TKT: variants seen among roughly 807,000 people sequenced by gnomAD.
TKT encodes the protein epididymis luminal protein 107.
A neutral mutation model predicts 63.9 loss-of-function variants in TKT; 47 were observed. That is an observed-to-expected ratio of 0.74 (90% CI 0.58 to 0.94). The LOEUF (loss-of-function observed/expected upper bound fraction) is 0.94. Ranked by LOEUF, TKT falls within the 40% of genes least tolerant of loss-of-function variation. The pLI is 0.00. For synonymous variants in TKT, 338 were observed against 334.1 expected (o/e 1.01, Z -0.13); for missense variants, 721 against 846.2 (o/e 0.85, Z 1.84).
chr3:53,234,246 A>C (rs1177102154), intron 5 of TKT: 3 of 152,258 alleles, frequency 2.0e-5, no homozygotes. Flanking sequence ...GGTAACCCCA[A>C]GCATCCTGTT....
At chr3:53,239,115 C>T (rs922210408) in intron 4 of TKT, among the ~76,000 whole-genome samples, 17 of 152,122 alleles carry the variant, frequency 1.1e-4, no homozygotes, top group African/African-American at 4.1e-4. Flanking sequence ...TTTCCCTGCA[C>T]AAACTCTCTC....
chr3:53,238,592 C>A (rs1285243546), intron 4 of TKT, among the ~76,000 whole-genome samples: 2 of 152,236 alleles, frequency 1.3e-5, no homozygotes, highest in Non-Finnish European at 2.9e-5. Context: ...GAGGACAGGG[C>A]AGTGGAGATG....
At chr3:53,246,061 A>T (rs1378667045) in intron 1 of TKT, among the ~76,000 whole-genome samples, 2 of 152,010 alleles carry the variant, frequency 1.3e-5, no homozygotes, top group African/African-American at 4.8e-5. Flanking sequence ...TGAGGTCAGG[A>T]GTTCGAGACC....
At chr3:53,237,052 T>C (rs1234718019) in intron 4 of TKT, among the ~76,000 whole-genome samples, 2 of 152,234 alleles carry the variant, frequency 1.3e-5, no homozygotes, top group South Asian at 2.1e-4. Context: ...AGATGGATTA[T>C]AGCATCTCCA....
rs1382262556 is a variant in TKT at position 53,241,128 on chromosome 3, T to G, written c.339+4A>C. On this transcript the variant is annotated splice_donor_region_variant and intron_variant, in intron 3 of 13. Coordinates refer to ENST00000462138, the MANE Select transcript of TKT (RefSeq NM_001064.4). ...GCATGGGAGGCTCTGGCAGGAGCACTTACCGGGACCGGGTGCCCGTCCAAG... is the reference window on the plus strand; with the variant it reads ...GCATGGGAGGCTCTGGCAGGAGCACGTACCGGGACCGGGTGCCCGTCCAAG... 6.5e-7 allele frequency: 1 copy of G among 1,550,212 alleles called. No individual in the cohort carries two copies. Among genetic ancestry groups the G allele is most frequent in the Admixed American group, 2.2e-5 (1 of 45,354 alleles).
intron 12 of TKT, 25 bp from the exon 13 acceptor site, chr3:53,226,903 G>A (rs1272776036): frequency 6.3e-6 from 10 of 1,578,920 alleles, no homozygotes; most frequent in Non-Finnish European, 8.6e-6. Flanking sequence ...ACACGGCGTG[G>A]CTGAGGGGAG....
chr3:53,242,127 T>G lies in TKT; in HGVS notation c.223A>C (p.Lys75Gln). Residue 75 changes from lysine (K) to glutamine (Q), a missense_variant and splice_region_variant, in exon 2 of 14, where the codon AAG (lysine) becomes CAG (glutamine). Transcript: ENST00000462138. The part of the protein sequence containing the change: ...NPHNDRFVLS[K>Q]GHAAPILYAV... ...GCAGTGGGCAGCTGGGCTCTTACCT[T>G]GGAGAGCACAAAGCGGTCATTGTGC... 6.2e-7 allele frequency: 1 copy of G among 1,613,874 alleles called. No homozygotes were observed. Among genetic ancestry groups the G allele is most frequent in the Middle Eastern group, 1.7e-4 (1 of 6,058 alleles).
rs1704640226 is a variant in TKT at position 53,229,330 on chromosome 3, A to G, written c.1214T>C (p.Ile405Thr). The G allele has an allele frequency of 1.9e-6, 3 of 1,613,998 alleles. No homozygotes were observed. Among genetic ancestry groups the G allele is most frequent in the Non-Finnish European group, 2.5e-6 (3 of 1,179,974 alleles). Reference sequence around the variant, plus strand: ...GCAGAGGTTGATGTTGCTCTCGGAGATGGCGGCCATGCGAATCTGGTCAAA... The same window carrying G: ...GCAGAGGTTGATGTTGCTCTCGGAGGTGGCGGCCATGCGAATCTGGTCAAA... ...RAFDQIRMAA[I>T]SESNINLCGS... The change falls in exon 9 of 14, where the codon ATC (isoleucine) becomes ACC (threonine). Residue 405 changes from isoleucine (I) to threonine (T), a missense_variant. Physicochemically the swap from Ile to Thr is moderately conservative, Grantham distance 89. Coordinates refer to ENST00000462138, the MANE Select transcript of TKT (RefSeq NM_001064.4).
intron 10 of TKT, chr3:53,228,665 G>A (rs1296944473): frequency 4.0e-6 from 2 of 504,684 alleles, no homozygotes; most frequent in Non-Finnish European, 7.2e-6. Context: ...CTGGGTCTGT[G>A]GCATGCAGCT....
At chr3:53,228,656 TG>T in intron 10 of TKT, 1 of 500,776 alleles carries the variant, frequency 2.0e-6, no homozygotes, top group South Asian at 2.1e-5. Flanking sequence ...CCACGCGCAC[TG>T]GGTCTGTGGC....
Position 53,255,906 on chromosome 3 carries a change from GC to G in TKT, c.36del (p.Gln13ArgfsTer3). ...ESYHKPDQQKLQALKDTANRL... is the reference protein window; with the variant it reads ...ESYHKPDQQKXQALKDTANRL... ...CGGTTGGCCGTGTCCTTCAAGGCCT[GC>G]AGCTTCTGCTGGTCAGGCTTGTGGT... On this transcript the variant is annotated frameshift_variant, in exon 1 of 14. Transcript: ENST00000462138. LOFTEE classifies it high-confidence loss of function. The G allele has an allele frequency of 6.5e-7, 1 of 1,547,320 alleles. No homozygotes were observed. Among genetic ancestry groups the G allele is most frequent in the East Asian group, 2.7e-5 (1 of 37,162 alleles).
intron 4 of TKT, among the ~76,000 whole-genome samples, chr3:53,236,981 C>T (rs893508090): frequency 2.0e-5 from 3 of 152,144 alleles, no homozygotes; most frequent in Non-Finnish European, 4.4e-5. Flanking sequence ...AACAGAAGGT[C>T]GACATTTGTT....
At chr3:53,240,419 C>T in intron 3 of TKT, 71 bp from the exon 4 acceptor site, 1 of 1,423,852 alleles carries the variant, frequency 7.0e-7, no homozygotes, top group Non-Finnish European at 9.7e-7. Flanking sequence ...TAGGGAGCCA[C>T]ACTCCCACCC....
intron 5 of TKT, 114 bp from the exon 6 acceptor site, chr3:53,233,388 A>C: frequency 1.5e-6 from 1 of 686,766 alleles, no homozygotes. Context: ...CCACCCCACA[A>C]CTGCGGCCTC....
intron 1 of TKT, among the ~76,000 whole-genome samples, chr3:53,244,163 T>G (rs1195963049): frequency 6.6e-6 from 1 of 152,212 alleles, no homozygotes; most frequent in South Asian, 2.1e-4. Context: ...CAGCCTTTCA[T>G]TCCTTCCAAA....
Position 53,231,411 on chromosome 3 carries a change from C to A in TKT, c.888G>T (p.Val296=). The A allele has an allele frequency of 6.2e-7, 1 of 1,614,050 alleles. No individual in the cohort carries two copies. The highest frequency in any genetic ancestry group is 1.7e-5 in the Admixed American group (1 of 60,004). The change falls in exon 7 of 14, where the codon GTG becomes GTT. Residue 296 remains valine (V), a synonymous_variant. Coordinates refer to ENST00000462138, the MANE Select transcript of TKT (RefSeq NM_001064.4). Reference sequence around the variant, plus strand: ...TGGGCATGCGGATGTTGGCAATGTCCACTGAGGGTGCGTCCTCCTGTGGAG... The same window carrying A: ...TGGGCATGCGGATGTTGGCAATGTCAACTGAGGGTGCGTCCTCCTGTGGAG... ...ATPPQEDAPS[V]DIANIRMPSL... is the part of the protein sequence containing the mutation.
In TKT at chr3:53,229,086, G is replaced by A; in HGVS notation, c.1316C>T (p.Ser439Leu). Residue 439 changes from serine to leucine, a missense_variant, in exon 10 of 14, where the codon TCA becomes TTA. By Grantham distance (145) the Ser-to-Leu change is moderately radical. Coordinates refer to ENST00000462138, the MANE Select transcript of TKT (RefSeq NM_001064.4). ...GTAAAAGACAGTTGATGTGGGGACT[G>A]ACCGAAACATAGCCAGATCTTCTAG... ...MALEDLAMFR[S>L]VPTSTVFYPS... 3 of 1,614,158 alleles carry A rather than the reference G, an allele frequency of 1.9e-6. No individual in the cohort carries two copies. Among genetic ancestry groups the A allele is most frequent in the Non-Finnish European group, 1.7e-6 (2 of 1,180,016 alleles).
rs1256774807 is a variant in TKT, at chr3:53,240,226, T to G, written c.437+25A>C. ...GACCACTCCCCAAAACTACCCAGGT[T>G]GGGGGTGGGGAGTAGGTGTGTTACC... On this transcript the variant is annotated intron_variant, in intron 4 of 13. Coordinates refer to ENST00000462138, the MANE Select transcript of TKT (RefSeq NM_001064.4). 6.2e-6 allele frequency: 10 copies of G among 1,601,854 alleles called. No individual in the cohort carries two copies. The African/African-American group carries it at 1.3e-4, about 21-fold the overall frequency.
At position 53,231,394 on chromosome 3, in the gene TKT, C is replaced by T. The variant is rs782533316; in HGVS notation, c.905G>A (p.Arg302His). ...TTTGTAGCTGGGCAGGCTGGGCATGCGGATGTTGGCAATGTCCACTGAGGG... is the reference window on the plus strand; with the variant it reads ...TTTGTAGCTGGGCAGGCTGGGCATGTGGATGTTGGCAATGTCCACTGAGGG... ...DAPSVDIANI[R>H]MPSLPSYKVG... is the part of the protein sequence containing the mutation. The change falls in exon 7 of 14, where the codon CGC (arginine) becomes CAC (histidine). Residue 302 changes from arginine to histidine, a missense_variant. By Grantham distance (29) the Arg-to-His change is conservative. Coordinates refer to ENST00000462138, the MANE Select transcript of TKT (RefSeq NM_001064.4). 5 of 1,613,736 alleles carry T rather than the reference C, an allele frequency of 3.1e-6. No homozygotes were observed. In the African/African-American group the frequency reaches 4.0e-5, roughly 13 times the overall value.
Sources: allele counts gnomAD v4.1 joint callset (sites outside exome capture counted in the v4.1 genomes callset), GRCh38; gene constraint gnomAD v4.1.1; transcripts MANE v1.5; gene names NCBI Gene and HGNC (gene_info 2026-07-23, HGNC 2026-07-21).